The following SMC3 variants were observed in gnomAD, a reference collection of about 807,000 sequenced individuals.
SMC3 encodes the protein structural maintenance of chromosomes 3.
SMC3 carries 20 observed loss-of-function variants against 171.8 expected under a neutral mutation model. The ratio of observed to expected loss-of-function variants is 0.12; its 90% CI spans 0.08 to 0.17. SMC3 has a LOEUF of 0.17. Ranked by LOEUF, SMC3 falls within the 10% of genes least tolerant of loss-of-function variation. The probability of loss-of-function intolerance (pLI) is 1.00; values close to 1 mark genes in which losing one functional copy is unlikely to be tolerated. For missense variants in SMC3, 543 were observed against 1,420.4 expected, an observed-to-expected ratio of 0.38 and a Z score of 9.93; for synonymous variants, 464 against 451.1, an observed-to-expected ratio of 1.03 and a Z score of -0.36.
intron 19 of SMC3, among the ~76,000 whole-genome samples, chr10:110,596,875 T>C (rs543523572): frequency 7.3e-4 from 110 of 150,538 alleles, no homozygotes; most frequent in East Asian, 3.1e-3. Context: ...TTTTTTTTTT[T>C]CCCTTCTTCC....
chr10:110,593,717 C>T (rs1190006658), intron 18 of SMC3, among the ~76,000 whole-genome samples: 1 of 150,748 alleles, frequency 6.6e-6, no homozygotes, highest in Non-Finnish European at 1.5e-5. Flanking sequence ...GGCATGGTGG[C>T]TCACATCTAT....
chr10:110,587,538 T>C (rs141675947), intron 13 of SMC3, among the ~76,000 whole-genome samples: 2 of 151,958 alleles, frequency 1.3e-5, no homozygotes, highest in Non-Finnish European at 2.9e-5. Context: ...TATAAAAAAT[T>C]AGCTGGGCGT....
In SMC3 at chr10:110,583,607, A is replaced by C. The variant is rs572445483; in HGVS notation, c.969+59A>C. 152 of 1,560,128 alleles carry C rather than the reference A, an allele frequency of 9.7e-5. 2 individuals carry two copies. The South Asian group carries it at 1.6e-3, about 16-fold the overall frequency. On this transcript the variant is annotated intron_variant, in intron 11 of 28. Coordinates refer to ENST00000361804, the MANE Select transcript of SMC3 (RefSeq NM_005445.4). ...TGTTCAGGTGAGTAGCAACTGTAGA[A>C]GACAGCCCTTTCTGTGACTGGTGTG...
intron 2 of SMC3, among the ~76,000 whole-genome samples, chr10:110,571,804 AT>A (rs1860877507): frequency 6.6e-6 from 1 of 151,304 alleles, no homozygotes; most frequent in Admixed American, 6.6e-5. Flanking sequence ...TTAAATAAAA[AT>A]GGGTTCATTT....
At chr10:110,600,576 A>G in intron 22 of SMC3, 30 bp downstream of exon 22, 1 of 1,044,230 alleles carries the variant, frequency 9.6e-7, no homozygotes, top group Admixed American at 1.7e-5. Flanking sequence ...TTTTTTTTTA[A>G]GGGCTCCTTG....
chr10:110,590,482 A>G lies in SMC3; in HGVS notation c.1580A>G (p.His527Arg), dbSNP rs756254563. Residue 527 changes from histidine (H) to arginine (R), a missense_variant, in exon 16 of 29, where the codon CAT (histidine) becomes CGT (arginine). His to Arg is a conservative substitution (Grantham distance 29, BLOSUM62 0). Transcript: ENST00000361804. ...DHFRRKGINQ[H>R]VQNGYHGIVM... is the part of the protein sequence containing the mutation. ...TTCCGTCGAAAAGGAATAAACCAGC[A>G]TGTTCAAAATGGCTATCATGGTATT... The G allele has an allele frequency of 6.2e-7, 1 of 1,613,992 alleles. No homozygotes were observed.
At chr10:110,587,352 A>G (rs1328762861) in intron 13 of SMC3, among the ~76,000 whole-genome samples, 1 of 152,150 alleles carries the variant, frequency 6.6e-6, no homozygotes, top group Admixed American at 6.5e-5. Flanking sequence ...GTGTTCAGAT[A>G]CACCTGGAAA....
chr10:110,581,534 A>G (rs1861030040), intron 8 of SMC3, among the ~76,000 whole-genome samples: 1 of 152,148 alleles, frequency 6.6e-6, no homozygotes, highest in Non-Finnish European at 1.5e-5. Context: ...TGACTTTTTA[A>G]AAGGAAGCTT....
In SMC3 at chr10:110,584,209, C is replaced by T. The variant is rs377731006; in HGVS notation, c.1118C>T (p.Thr373Met). ...ARLAQATQER[T>M]DLYAKQGRGS... ...TTGGCTCAAGCTACCCAGGAAAGAA[C>T]GGATCTTTATGCAAAGCAGGGTCGA... The change falls in exon 13 of 29, where the codon ACG becomes ATG. Residue 373 changes from threonine to methionine, a missense_variant. Transcript: ENST00000361804. The T allele has an allele frequency of 2.5e-6, 4 of 1,612,554 alleles. No homozygotes were observed. Among genetic ancestry groups the T allele is most frequent in the Non-Finnish European group, 2.5e-6 (3 of 1,179,520 alleles).
At position 110,589,645 on chromosome 10, in the gene SMC3, A is replaced by G; in HGVS notation, c.1346A>G (p.Glu449Gly). 6.2e-7 allele frequency: 1 copy of G among 1,611,654 alleles called. No homozygotes were observed. Among genetic ancestry groups the G allele is most frequent in the Non-Finnish European group, 8.5e-7 (1 of 1,178,036 alleles). ...QDLNEVKARV[E>G]ELDRKYYEVK... ...CTTAATGAAGTCAAAGCTCGAGTAG[A>G]AGAACTGGACAGAAAATATTACGAA... Residue 449 changes from glutamate (E) to glycine (G), a missense_variant, in exon 14 of 29, where the codon GAA (glutamate) becomes GGA (glycine). By Grantham distance (98) the Glu-to-Gly change is moderately conservative. Coordinates refer to ENST00000361804, the MANE Select transcript of SMC3 (RefSeq NM_005445.4).
rs886046692 is a variant in SMC3, at chr10:110,567,752, T to C, written c.-65T>C. ...GGAGGGGTCGCGTAGGCGCCTCACC[T>C]GACCCTGCGGCCGTGCGGTTGCTGC... On this transcript the variant is annotated 5_prime_UTR_variant, in exon 1 of 29. Transcript: ENST00000361804. The C allele has an allele frequency of 2.5e-6, 4 of 1,604,670 alleles. No individual in the cohort carries two copies. Among genetic ancestry groups the C allele is most frequent in the East Asian group, 4.5e-5 (2 of 44,824 alleles).
rs10555049 is a variant in SMC3, at chr10:110,591,394, GAAAA to G, written c.1812+265_1812+268del. On this transcript the variant is annotated intron_variant, in intron 17 of 28. Coordinates refer to ENST00000361804, the MANE Select transcript of SMC3 (RefSeq NM_005445.4). ...GTGGGAGGATCATTTAAAAAGAAGA[GAAAA>G]AAGCTAAGATATGAAACAAATCATT... is the stretch of plus-strand genomic sequence containing the variant. 4.8e-3 allele frequency among the ~76,000 whole-genome samples: 728 copies of G among 152,188 alleles called. 7 individuals are homozygous for G. Among genetic ancestry groups the G allele is most frequent in the African/African-American group, 0.016 (652 of 41,524 alleles).
At chr10:110,580,306 A>T (rs943346502) in intron 7 of SMC3, among the ~76,000 whole-genome samples, 5 of 151,984 alleles carry the variant, frequency 3.3e-5, no homozygotes, top group Admixed American at 2.6e-4. Flanking sequence ...TTGTAGCTTT[A>T]AAAAAAAGTG....
Position 110,567,807 on chromosome 10 carries a change from G to T in SMC3, c.-10G>T. ...GGGCAGGTCTCCTTCCAGGCCAGGG[G>T]CCCGGAATCATGTACATAAAGCAGG... On this transcript the variant is annotated 5_prime_UTR_variant, in exon 1 of 29. Coordinates refer to ENST00000361804, the MANE Select transcript of SMC3 (RefSeq NM_005445.4). 1 of 1,613,526 alleles carries T rather than the reference G, an allele frequency of 6.2e-7. No homozygotes were observed. The highest frequency in any genetic ancestry group is 8.5e-7 in the Non-Finnish European group (1 of 1,179,798).
Position 110,567,770 on chromosome 10 carries a change from G to A in SMC3, c.-47G>A, listed in dbSNP as rs760564863. The A allele has an allele frequency of 2.5e-6, 4 of 1,612,804 alleles. No individual in the cohort carries two copies. Among genetic ancestry groups the A allele is most frequent in the South Asian group, 1.1e-5 (1 of 91,068 alleles). On this transcript the variant is annotated 5_prime_UTR_variant, in exon 1 of 29. Coordinates refer to ENST00000361804, the MANE Select transcript of SMC3 (RefSeq NM_005445.4). Reference sequence around the variant, plus strand: ...CCTCACCTGACCCTGCGGCCGTGCGGTTGCTGCTCCGGGGCAGGTCTCCTT... The same window carrying A: ...CCTCACCTGACCCTGCGGCCGTGCGATTGCTGCTCCGGGGCAGGTCTCCTT...
At chr10:110,582,444 G>T in intron 9 of SMC3, 118 bp from the exon 10 acceptor site, 1 of 760,722 alleles carries the variant, frequency 1.3e-6, no homozygotes, top group Admixed American at 2.8e-5. Context: ...TAAAATTTTT[G>T]TAGAAAATTT....
At chr10:110,594,414 CAA>C (rs1861262565) in intron 18 of SMC3, among the ~76,000 whole-genome samples, 2 of 151,940 alleles carry the variant, frequency 1.3e-5, no homozygotes, top group African/African-American at 4.8e-5. Flanking sequence ...TACATGTAAA[CAA>C]TATTTTGACA....
At chr10:110,591,221 AC>A in intron 17 of SMC3, 89 bp downstream of exon 17, 1 of 1,232,070 alleles carries the variant, frequency 8.1e-7, no homozygotes, top group Non-Finnish European at 1.2e-6. Flanking sequence ...CAGGCACTAT[AC>A]ACTGGGATTC....
intron 10 of SMC3, among the ~76,000 whole-genome samples, chr10:110,582,931 G>GTTTTTT (rs59010687): frequency 2.9e-5 from 4 of 136,272 alleles, no homozygotes; most frequent in Non-Finnish European, 6.3e-5. Context: ...GCCTCCTGAA[G>GTTTTTT]TTTTTTTTTT....
Sources: gnomAD v4.1 joint callset for allele counts (sites outside exome capture counted in the v4.1 genomes callset) on GRCh38, gnomAD v4.1.1 for gene constraint, MANE v1.5 for transcripts, NCBI Gene and HGNC (gene_info 2026-07-23, HGNC 2026-07-21) for gene names.